Variants in DMD observed in about 807,000 individuals in gnomAD.
DMD encodes dystrophin.
A neutral mutation model predicts 330.1 loss-of-function variants in DMD; 63 were observed. The observed-to-expected ratio is 0.19, with a 90% CI of 0.16 to 0.24. The LOEUF is 0.24. DMD is among the 10% of genes least tolerant of loss of function. DMD has a pLI of 1.00. For missense variants in DMD, 3,344 were observed against 2,684.1 expected (o/e 1.25, Z -5.43); for synonymous variants, 1,223 against 959.8 (o/e 1.27, Z -5.07).
chrX:31,932,373 C>T (rs2094867249), intron 45 of DMD, 146 bp from the exon 46 acceptor site: 1 of 454,262 alleles, frequency 2.2e-6, no homozygotes, highest in African/African-American at 2.5e-5. Flanking sequence ...AAAATTCATT[C>T]ACTTTGAACA....
chrX:33,035,696 A>G (rs1470195608), intron 1 of DMD, among the ~76,000 whole-genome samples: 1 of 111,993 alleles, frequency 8.9e-6, no homozygotes, highest in Admixed American at 9.5e-5. Context: ...AGCCCATGTC[A>G]TGAAGGAACC....
At chrX:32,307,944 C>T (rs934254631) in intron 42 of DMD, among the ~76,000 whole-genome samples, 2 of 110,622 alleles carry the variant, frequency 1.8e-5, no homozygotes, top group East Asian at 5.7e-4. Flanking sequence ...TACATATAAG[C>T]AATCACAATC....
chrX:33,156,445 T>C (rs1285701552), intron 1 of DMD, among the ~76,000 whole-genome samples: 1 of 112,144 alleles, frequency 8.9e-6, no homozygotes, highest in African/African-American at 3.2e-5. Flanking sequence ...ATGTGTAAAA[T>C]AGAGTCTCTG....
intron 7 of DMD, among the ~76,000 whole-genome samples, chrX:32,722,224 T>C (rs2066399567): frequency 9.1e-6 from 1 of 110,326 alleles, no homozygotes; most frequent in South Asian, 3.8e-4. Flanking sequence ...ATTTGTACAG[T>C]CAACCTTCTA....
At chrX:31,699,396 C>T (rs1205780424) in intron 52 of DMD, among the ~76,000 whole-genome samples, 1 of 112,467 alleles carries the variant, frequency 8.9e-6, no homozygotes, top group Non-Finnish European at 1.9e-5. Flanking sequence ...AATAGCCATA[C>T]TGTTCCCCTG....
chrX:31,583,767 T>G (rs1389852377), intron 55 of DMD, among the ~76,000 whole-genome samples: 1 of 109,503 alleles, frequency 9.1e-6, no homozygotes, highest in Non-Finnish European at 1.9e-5. Flanking sequence ...ATATATATTT[T>G]ATTATTATAC....
chrX:32,761,391 G>C (rs992304761), intron 7 of DMD, among the ~76,000 whole-genome samples: 1 of 112,021 alleles, frequency 8.9e-6, no homozygotes, highest in African/African-American at 3.2e-5. Context: ...CAATCATAGA[G>C]TCTGAGGACT....
At chrX:31,889,229 A>C (rs1267732910) in intron 47 of DMD, among the ~76,000 whole-genome samples, 1 of 112,241 alleles carries the variant, frequency 8.9e-6, no homozygotes, top group African/African-American at 3.2e-5. Flanking sequence ...ACTTTTCAGT[A>C]AACTTTGGTG....
intron 1 of DMD, among the ~76,000 whole-genome samples, chrX:33,263,926 A>G (rs2053001085): frequency 9.0e-6 from 1 of 111,321 alleles, no homozygotes. Flanking sequence ...GCACAAATAT[A>G]CAAGTTGAAA....
intron 1 of DMD, among the ~76,000 whole-genome samples, chrX:33,094,750 G>A (rs960664737): frequency 9.4e-6 from 1 of 106,531 alleles, no homozygotes; most frequent in Non-Finnish European, 1.9e-5. Flanking sequence ...GGAAGTTGCA[G>A]TGAGCTGAGA....
At chrX:32,307,131 C>T (rs1293484248) in intron 42 of DMD, among the ~76,000 whole-genome samples, 1 of 110,730 alleles carries the variant, frequency 9.0e-6, no homozygotes, top group Non-Finnish European at 1.9e-5. Context: ...ATAGAGTTCC[C>T]CTATAAGCAG....
At chrX:32,286,314 T>G (rs1204309153) in intron 43 of DMD, among the ~76,000 whole-genome samples, 1 of 111,926 alleles carries the variant, frequency 8.9e-6, no homozygotes, top group African/African-American at 3.2e-5. Context: ...TAAATTACAT[T>G]AAATGATGAA....
chrX:32,577,975 T>G (rs1160891338), intron 13 of DMD, among the ~76,000 whole-genome samples: 1 of 112,574 alleles, frequency 8.9e-6, no homozygotes, highest in Non-Finnish European at 1.9e-5. Flanking sequence ...ACCTATTTAT[T>G]GCTTAGCAAT....
intron 44 of DMD, among the ~76,000 whole-genome samples, chrX:32,049,266 C>T (rs2096087726): frequency 9.0e-6 from 1 of 110,736 alleles, no homozygotes; most frequent in South Asian, 3.8e-4. Flanking sequence ...GTAATACGTC[C>T]GTTAAAAAAA....
intron 62 of DMD, among the ~76,000 whole-genome samples, chrX:31,318,904 C>A (rs1365145457): frequency 1.8e-5 from 2 of 112,081 alleles, no homozygotes; most frequent in Non-Finnish European, 3.8e-5. Context: ...GAGGAAAGGA[C>A]CAGCTTGTCT....
Position 32,644,956 on chromosome X carries a change from T to A in DMD, c.1149+8A>T, listed in dbSNP as rs1418073441. ...TGTTTTGTTTTGTAAATTAACGTTT[T>A]AGTTTACCTCATGAGTATGAAACTG... On this transcript the variant is annotated splice_region_variant and intron_variant, in intron 10 of 78. Coordinates refer to ENST00000357033, the MANE Select transcript of DMD (RefSeq NM_004006.3). 1 of 1,210,562 alleles carries A rather than the reference T, an allele frequency of 8.3e-7. No homozygotes were observed. Among genetic ancestry groups the A allele is most frequent in the East Asian group, 3.0e-5 (1 of 33,830 alleles).
At chrX:32,648,354 G>A (rs921395117) in intron 9 of DMD, among the ~76,000 whole-genome samples, 7 of 111,855 alleles carry the variant, frequency 6.3e-5, no homozygotes, top group African/African-American at 1.9e-4. Flanking sequence ...TAAGATCTGA[G>A]TAATTATTTG....
At chrX:31,708,190 A>G (rs1402738246) in intron 52 of DMD, among the ~76,000 whole-genome samples, 1 of 112,007 alleles carries the variant, frequency 8.9e-6, no homozygotes, top group Non-Finnish European at 1.9e-5. Context: ...TTAAAAATGT[A>G]CTTAATTTTT....
intron 63 of DMD, among the ~76,000 whole-genome samples, chrX:31,237,264 T>C (rs5971560): frequency 0.16 from 17,727 of 111,405 alleles, 1,122 homozygotes; most frequent in Middle Eastern, 0.22. Context: ...GAATAATGAG[T>C]CCAAGATAGA....
Sources: allele counts gnomAD v4.1 joint callset (sites outside exome capture counted in the v4.1 genomes callset), GRCh38; gene constraint gnomAD v4.1.1; transcripts MANE v1.5; gene names NCBI Gene and HGNC (gene_info 2026-07-23, HGNC 2026-07-21).